Variants in PCSK5 observed in about 807,000 individuals in gnomAD.
PCSK5 encodes proprotein convertase subtilisin/kexin type 5.
A neutral mutation model predicts 233.2 loss-of-function variants in PCSK5; 129 were observed. The ratio of observed to expected loss-of-function variants is 0.55; its 90% CI spans 0.48 to 0.64. PCSK5 has a LOEUF of 0.64. Ranked by LOEUF, PCSK5 falls within the 30% of genes least tolerant of loss-of-function variation. The pLI, the probability that PCSK5 is intolerant of heterozygous loss-of-function variation, is 0.00. For missense variants in PCSK5, 2,076 were observed against 2,430.1 expected (o/e 0.85, Z 3.06); for synonymous variants, 825 against 879.2 (o/e 0.94, Z 1.09).
At chr9:76,315,735 C>T (rs1054758251) in intron 30 of PCSK5, among the ~76,000 whole-genome samples, 7 of 148,700 alleles carry the variant, frequency 4.7e-5, no homozygotes, top group African/African-American at 1.5e-4. Flanking sequence ...CAGGTTCAAG[C>T]GATTCTTCTG....
rs1177088724 is a variant in PCSK5, at chr9:76,333,706, C to G, written c.4748+1096C>G. On this transcript the variant is annotated intron_variant, in intron 34 of 37. Transcript: ENST00000674117. Reference sequence around the variant, plus strand: ...AATAACCTAGAGCACTGGGAGTTTCCAGACCCAAATCAAGGGCTGTAACCT... The same window carrying G: ...AATAACCTAGAGCACTGGGAGTTTCGAGACCCAAATCAAGGGCTGTAACCT... Among the ~76,000 whole-genome samples the G allele has an allele frequency of 2.6e-5, 4 of 152,284 alleles. No homozygotes were observed. The East Asian group carries it at 7.7e-4, about 29-fold the overall frequency.
At chr9:76,014,715 G>A (rs746437391) in intron 3 of PCSK5, among the ~76,000 whole-genome samples, 10 of 152,082 alleles carry the variant, frequency 6.6e-5, no homozygotes, top group Non-Finnish European at 1.5e-4. Context: ...TTGGTTAGTG[G>A]CATATTAGAA....
intron 5 of PCSK5, among the ~76,000 whole-genome samples, chr9:76,050,127 G>A (rs1185906742): frequency 6.6e-6 from 1 of 152,120 alleles, no homozygotes; most frequent in Non-Finnish European, 1.5e-5. Flanking sequence ...TTTGCTGAAT[G>A]AATGCTTCAG....
At chr9:76,324,941 G>T (rs1416613459) in intron 32 of PCSK5, among the ~76,000 whole-genome samples, 2 of 152,026 alleles carry the variant, frequency 1.3e-5, no homozygotes, top group Non-Finnish European at 2.9e-5. Context: ...GAAACCCTGG[G>T]ACACCCACAC....
chr9:76,152,538 A>G (rs539434132), intron 10 of PCSK5, among the ~76,000 whole-genome samples: 4 of 152,184 alleles, frequency 2.6e-5, no homozygotes, highest in Admixed American at 1.3e-4. Context: ...TTTTAGCAGA[A>G]AGGTCCTCTT....
chr9:75,891,067 A>AGCTGCGGCGGCCCGGGGCTGCGT lies in PCSK5; in HGVS notation c.-94_-93insGTGCTGCGGCGGCCCGGGGCTGC. ...CTCCTGCCGATCGCCCGGGGCTGCG[A>AGCTGCGGCGGCCCGGGGCTGCGT]GCTGCGGCGGCCCGGGGCTGCTCGC... On this transcript the variant is annotated 5_prime_UTR_variant, in exon 1 of 38. Coordinates refer to ENST00000674117, the MANE Select transcript of PCSK5 (RefSeq NM_001372043.1). The AGCTGCGGCGGCCCGGGGCTGCGT allele has an allele frequency of 4.1e-6, 4 of 977,454 alleles. No homozygotes were observed. The highest frequency in any genetic ancestry group is 5.5e-6 in the Non-Finnish European group (4 of 728,228). 60.5% of individuals were successfully genotyped at this position (977,454 alleles called of 1,614,324 possible). A position where few individuals can be genotyped will look rare whatever the true frequency, so the allele number is the denominator to read the frequency against.
chr9:75,916,526 A>G (rs1429800599), intron 1 of PCSK5, among the ~76,000 whole-genome samples: 2 of 152,304 alleles, frequency 1.3e-5, no homozygotes, highest in Non-Finnish European at 2.9e-5. Flanking sequence ...GAGAGGTCAA[A>G]GAAGACTTTG....
At chr9:76,310,628 C>A in intron 29 of PCSK5, 28 bp from the exon 30 acceptor site, 1 of 1,461,732 alleles carries the variant, frequency 6.8e-7, no homozygotes, top group Non-Finnish European at 9.2e-7. Context: ...ATGACTATTC[C>A]CATCTTCCCT....
In PCSK5 at chr9:75,932,977, G is replaced by GT. The variant is rs1237055522; in HGVS notation, c.297+495dup. Among the ~76,000 whole-genome samples the GT allele has an allele frequency of 2.0e-5, 3 of 152,134 alleles. No individual in the cohort carries two copies. In the East Asian group the frequency reaches 5.8e-4, roughly 29 times the overall value. On this transcript the variant is annotated intron_variant, in intron 2 of 37. Transcript: ENST00000674117. ...CAGGACTAGACTGTGTCTGGAACAG[G>GT]TGGGATACTGAACACAGAAAGGGGA...
intron 27 of PCSK5, among the ~76,000 whole-genome samples, chr9:76,297,260 A>G (rs1443626765): frequency 6.6e-6 from 1 of 152,200 alleles, no homozygotes; most frequent in Non-Finnish European, 1.5e-5. Flanking sequence ...TCCTTTTTAC[A>G]GTAAAGGAAA....
chr9:76,268,648 C>T (rs1468419785), intron 24 of PCSK5, among the ~76,000 whole-genome samples: 3 of 151,924 alleles, frequency 2.0e-5, no homozygotes, highest in African/African-American at 7.3e-5. Context: ...GTTTGAGACC[C>T]GCCTGGGGAA....
chr9:76,185,996 C>T (rs925923682), intron 17 of PCSK5, among the ~76,000 whole-genome samples: 10 of 152,126 alleles, frequency 6.6e-5, no homozygotes, highest in African/African-American at 2.4e-4. Flanking sequence ...TAAACCAGTG[C>T]ATGCCGGTAG....
chr9:76,041,966 C>T (rs1343809920), intron 5 of PCSK5, among the ~76,000 whole-genome samples: 1 of 152,080 alleles, frequency 6.6e-6, no homozygotes, highest in Non-Finnish European at 1.5e-5. Flanking sequence ...AATAGCATAC[C>T]TTATTCAATA....
At chr9:76,193,146 C>T in intron 20 of PCSK5, 1 of 1,132,462 alleles carries the variant, frequency 8.8e-7, no homozygotes, top group Non-Finnish European at 1.3e-6. Context: ...CCAAATCTGC[C>T]TCTCTGGCCA....
At chr9:76,325,809 G>A (rs554480648) in intron 32 of PCSK5, among the ~76,000 whole-genome samples, 35 of 152,190 alleles carry the variant, frequency 2.3e-4, no homozygotes, top group African/African-American at 8.2e-4. Flanking sequence ...AGCTAATTTT[G>A]TATTTTTAGT....
chr9:76,172,083 T>C (rs1823355305), intron 13 of PCSK5, among the ~76,000 whole-genome samples: 1 of 152,178 alleles, frequency 6.6e-6, no homozygotes, highest in Non-Finnish European at 1.5e-5. Context: ...CTAGCCCAAT[T>C]AAATGGTAGA....
chr9:75,988,452 T>C (rs924309363), intron 3 of PCSK5, among the ~76,000 whole-genome samples: 26 of 152,122 alleles, frequency 1.7e-4, no homozygotes, highest in African/African-American at 5.8e-4. Context: ...TGGTTAATTT[T>C]TGTAGTTTTT....
chr9:76,216,593 G>T (rs1825541442), intron 20 of PCSK5, among the ~76,000 whole-genome samples: 1 of 152,026 alleles, frequency 6.6e-6, no homozygotes, highest in East Asian at 1.9e-4. Flanking sequence ...GTCCAATATT[G>T]GTTTAAGATG....
At chr9:76,268,580 A>G (rs1054687787) in intron 24 of PCSK5, among the ~76,000 whole-genome samples, 26 of 152,252 alleles carry the variant, frequency 1.7e-4, no homozygotes, top group African/African-American at 6.3e-4. Flanking sequence ...GCAGTGGCTC[A>G]TGCCTATAAT....
Sources: gnomAD v4.1 joint callset for allele counts (sites outside exome capture counted in the v4.1 genomes callset) on GRCh38, gnomAD v4.1.1 for gene constraint, MANE v1.5 for transcripts, NCBI Gene and HGNC (gene_info 2026-07-23, HGNC 2026-07-21) for gene names.